REDIC1: variants seen among roughly 807,000 people sequenced by gnomAD.
The protein encoded by REDIC1 is regulator of DNA class I crossover intermediates 1.
chr12:39,786,080 A>G, the REDIC1 span, among the ~76,000 whole-genome samples: 1 of 151,400 alleles, frequency 6.6e-6, no homozygotes, highest in African/African-American at 2.5e-5. Flanking sequence ...GGAAGGCATG[A>G]TTAGTTTTGA....
the REDIC1 span, chr12:39,647,643 T>G: frequency 2.0e-6 from 1 of 502,050 alleles, no homozygotes. Context: ...TAGTAAGTTC[T>G]GTCAATTACT....
chr12:39,902,185 A>C, the REDIC1 span, among the ~76,000 whole-genome samples: 3 of 114,792 alleles, frequency 2.6e-5, no homozygotes, highest in Non-Finnish European at 5.2e-5. Context: ...CACTCTGGGG[A>C]CTGTTGTGGG....
At chr12:39,650,442 T>C in the REDIC1 span, 2 of 1,484,508 alleles carry the variant, frequency 1.3e-6, no homozygotes, top group Non-Finnish European at 1.8e-6. The surrounding 1 kb of genome is among the most constrained non-coding windows in gnomAD (Gnocchi z 4.3). Flanking sequence ...CAAATATTTT[T>C]AGTTAAAAAT....
chr12:39,808,397 G>A, the REDIC1 span, among the ~76,000 whole-genome samples: 946 of 152,168 alleles, frequency 6.2e-3, 7 homozygotes, highest in African/African-American at 0.022. Flanking sequence ...TATGAATAAG[G>A]CTGCTATAAA....
the REDIC1 span, among the ~76,000 whole-genome samples, chr12:39,699,887 CTGTT>C: frequency 1.3e-5 from 2 of 152,328 alleles, no homozygotes; most frequent in African/African-American, 4.8e-5. Flanking sequence ...AGGGTCCTGT[CTGTT>C]AGAAGGAAAA....
chr12:39,890,322 G>GA, the REDIC1 span, among the ~76,000 whole-genome samples: 22 of 151,734 alleles, frequency 1.4e-4, no homozygotes, highest in South Asian at 2.1e-4. Context: ...TTATAAAACT[G>GA]AAAAAAAATA....
chr12:39,867,390 C>T, the REDIC1 span, among the ~76,000 whole-genome samples: 1 of 151,548 alleles, frequency 6.6e-6, no homozygotes, highest in African/African-American at 2.4e-5. Context: ...TATAAAGATT[C>T]AAATAAATAT....
the REDIC1 span, among the ~76,000 whole-genome samples, chr12:39,672,818 G>T: frequency 5.9e-5 from 9 of 152,114 alleles, no homozygotes; most frequent in African/African-American, 2.2e-4. Flanking sequence ...AGATGCAAGG[G>T]TTTTTTGGGC....
chr12:39,627,036 A>G, the REDIC1 span, among the ~76,000 whole-genome samples: 1 of 152,254 alleles, frequency 6.6e-6, no homozygotes, highest in Non-Finnish European at 1.5e-5. Flanking sequence ...TTTGATCAAA[A>G]TTCTTGATGA....
the REDIC1 span, among the ~76,000 whole-genome samples, chr12:39,818,609 C>A: frequency 5.9e-5 from 9 of 152,210 alleles, no homozygotes; most frequent in African/African-American, 2.2e-4. Flanking sequence ...TTTGTAATCA[C>A]CTTTGAAATT....
the REDIC1 span, among the ~76,000 whole-genome samples, chr12:39,713,566 A>G: frequency 6.7e-6 from 1 of 149,884 alleles, no homozygotes; most frequent in Non-Finnish European, 1.5e-5. Flanking sequence ...ATACATGTGT[A>G]CGCGTACATA....
chr12:39,657,284 T>C, the REDIC1 span, among the ~76,000 whole-genome samples: 1 of 152,218 alleles, frequency 6.6e-6, no homozygotes, highest in Admixed American at 6.5e-5. Context: ...CTGTAGGCAA[T>C]ACTGTACAGG....
chr12:39,749,839 C>G, the REDIC1 span, among the ~76,000 whole-genome samples: 1 of 152,136 alleles, frequency 6.6e-6, no homozygotes, highest in Non-Finnish European at 1.5e-5. Context: ...TCAATAGATG[C>G]AGAAAAGGCC....
chr12:39,740,013 T>C, the REDIC1 span, among the ~76,000 whole-genome samples: 2 of 152,194 alleles, frequency 1.3e-5, no homozygotes, highest in Middle Eastern at 3.2e-3. Context: ...GCTTAGTCCT[T>C]CTTAGATAGC....
At chr12:39,873,066 T>C in the REDIC1 span, among the ~76,000 whole-genome samples, 1 of 152,204 alleles carries the variant, frequency 6.6e-6, no homozygotes, top group African/African-American at 2.4e-5. Flanking sequence ...CTGTCTACTA[T>C]TTTTTAAACT....
the REDIC1 span, among the ~76,000 whole-genome samples, chr12:39,750,998 A>G: frequency 6.6e-6 from 1 of 152,206 alleles, no homozygotes; most frequent in African/African-American, 2.4e-5. Context: ...GGACATAGGC[A>G]TGGGCAAGGA....
chr12:39,880,645 T>C, the REDIC1 span, among the ~76,000 whole-genome samples: 1 of 152,222 alleles, frequency 6.6e-6, no homozygotes, highest in African/African-American at 2.4e-5. Context: ...TTTATTAGTC[T>C]TTTTGGAAGA....
chr12:39,780,008 G>C, the REDIC1 span, among the ~76,000 whole-genome samples: 1 of 152,204 alleles, frequency 6.6e-6, no homozygotes. Flanking sequence ...TCCATCAAGT[G>C]TGAGTTCTGT....
chr12:39,681,625 C>T, the REDIC1 span, among the ~76,000 whole-genome samples: 62 of 152,146 alleles, frequency 4.1e-4, no homozygotes, highest in African/African-American at 1.4e-3. Flanking sequence ...AAAATAACAT[C>T]ATTCTGTCTA....
Sources: gnomAD v4.1 joint callset for allele counts (sites outside exome capture counted in the v4.1 genomes callset) on GRCh38, gnomAD v4.1.1 for gene constraint, Gnocchi (gnomAD v3.1) non-coding constraint, MANE v1.5 for transcripts, NCBI Gene and HGNC (gene_info 2026-07-23, HGNC 2026-07-21) for gene names.